Variants in MIS18A observed in about 807,000 individuals in gnomAD.
The protein encoded by MIS18A is MIS18 kinetochore protein A.
MIS18A carries 14 observed loss-of-function variants against 25.0 expected under a neutral mutation model. That is an observed-to-expected ratio of 0.56 (90% CI 0.37 to 0.88). MIS18A has a LOEUF of 0.88. MIS18A is among the 40% of genes least tolerant of loss of function. The pLI, the probability that MIS18A is intolerant of heterozygous loss-of-function variation, is 0.00. For synonymous variants in MIS18A, 134 were observed against 118.6 expected (o/e 1.13, Z -0.84); for missense variants, 292 against 290.8 (o/e 1.00, Z -0.03).
the MIS18A span, among the ~76,000 whole-genome samples, chr21:32,235,567 C>G: frequency 2.0e-5 from 3 of 152,150 alleles, no homozygotes; most frequent in Non-Finnish European, 2.9e-5. Context: ...TGAGGTGAAA[C>G]CTATTTGACA....
the MIS18A span, among the ~76,000 whole-genome samples, chr21:32,166,387 A>C: frequency 6.6e-6 from 1 of 152,222 alleles, no homozygotes; most frequent in Non-Finnish European, 1.5e-5. Context: ...CCATTCTCTG[A>C]CAAAAGAAAC....
intron 1 of MIS18A, among the ~76,000 whole-genome samples, chr21:32,277,026 C>T (rs2031824790): frequency 6.6e-6 from 1 of 151,808 alleles, no homozygotes; most frequent in African/African-American, 2.4e-5. Flanking sequence ...TGTAAATGTA[C>T]AGAATGTAAA....
the MIS18A span, among the ~76,000 whole-genome samples, chr21:32,177,908 CTTTTG>C: frequency 0.58 from 85,313 of 147,806 alleles, 24,609 homozygotes; most frequent in African/African-American, 0.69. Flanking sequence ...CTTTTTTTTT[CTTTTG>C]TTTTCTTTTC....
the MIS18A span, among the ~76,000 whole-genome samples, chr21:32,156,763 G>A: frequency 6.6e-6 from 1 of 152,054 alleles, no homozygotes; most frequent in African/African-American, 2.4e-5. Flanking sequence ...TATCAGATTT[G>A]ATAAGGCTTC....
the MIS18A span, among the ~76,000 whole-genome samples, chr21:32,165,612 A>AT: frequency 6.6e-6 from 1 of 152,058 alleles, no homozygotes; most frequent in Non-Finnish European, 1.5e-5. Flanking sequence ...TTTAAAAAAA[A>AT]AAAGGAAAGA....
the MIS18A span, among the ~76,000 whole-genome samples, chr21:32,169,104 G>A: frequency 0.012 from 1,777 of 152,188 alleles, 55 homozygotes; most frequent in East Asian, 0.11. Flanking sequence ...CTGAATCTTA[G>A]TAAGGATAAC....
At chr21:32,178,931 TCTTCAGCTG>T in the MIS18A span, among the ~76,000 whole-genome samples, 3 of 152,152 alleles carry the variant, frequency 2.0e-5, no homozygotes, top group Non-Finnish European at 4.4e-5. Flanking sequence ...TCAGCATCTA[TCTTCAGCTG>T]CTTCAGCTGC....
At chr21:32,269,199 C>T (rs1165572420) in intron 4 of MIS18A, 82 bp from the exon 5 acceptor site, 2 of 1,007,694 alleles carry the variant, frequency 2.0e-6, no homozygotes, top group South Asian at 1.8e-5. Flanking sequence ...TTAAGATATA[C>T]ACTTAATGCA....
At chr21:32,258,842 AT>A in the MIS18A span, among the ~76,000 whole-genome samples, 1 of 110,148 alleles carries the variant, frequency 9.1e-6, no homozygotes, top group East Asian at 3.2e-4. Context: ...CATTTTATTT[AT>A]TTATTTATTT....
chr21:32,265,615 C>A (rs1247602943), downstream of MIS18A, among the ~76,000 whole-genome samples: 2 of 152,238 alleles, frequency 1.3e-5, no homozygotes, highest in African/African-American at 4.8e-5. Flanking sequence ...AGCCTCCCAC[C>A]CACTCCATGG....
At chr21:32,256,966 C>G in the MIS18A span, among the ~76,000 whole-genome samples, 1 of 152,142 alleles carries the variant, frequency 6.6e-6, no homozygotes, top group Non-Finnish European at 1.5e-5. Flanking sequence ...TTTCCCCCAC[C>G]CTGGCTCCCT....
chr21:32,271,967 T>C (rs1344110966), intron 2 of MIS18A, among the ~76,000 whole-genome samples: 2 of 152,146 alleles, frequency 1.3e-5, no homozygotes, highest in Non-Finnish European at 2.9e-5. Flanking sequence ...CACTGAGCCA[T>C]GAATAAGACT....
At chr21:32,226,756 T>A in the MIS18A span, among the ~76,000 whole-genome samples, 1 of 152,170 alleles carries the variant, frequency 6.6e-6, no homozygotes, top group Non-Finnish European at 1.5e-5. Context: ...CAACTAGACC[T>A]AATAGACATC....
the MIS18A span, among the ~76,000 whole-genome samples, chr21:32,216,846 A>C: frequency 1.7e-4 from 26 of 152,330 alleles, no homozygotes; most frequent in Non-Finnish European, 3.4e-4. Flanking sequence ...CCACGTACTT[A>C]AGAAATATTT....
chr21:32,253,905 T>G, the MIS18A span, among the ~76,000 whole-genome samples: 1 of 152,218 alleles, frequency 6.6e-6, no homozygotes, highest in Non-Finnish European at 1.5e-5. Context: ...AGAGTTTTTT[T>G]TAAACAGCAT....
At chr21:32,242,071 G>A in the MIS18A span, among the ~76,000 whole-genome samples, 2 of 152,200 alleles carry the variant, frequency 1.3e-5, no homozygotes, top group African/African-American at 4.8e-5. Flanking sequence ...TAGTAGAGAC[G>A]GGGTTTCACT....
the MIS18A span, among the ~76,000 whole-genome samples, chr21:32,199,292 T>C: frequency 4.6e-5 from 7 of 152,112 alleles, no homozygotes; most frequent in Non-Finnish European, 8.8e-5. Flanking sequence ...TGGAAAAGGA[T>C]TGACTTGCCT....
the MIS18A span, among the ~76,000 whole-genome samples, chr21:32,214,225 A>G: frequency 5.3e-5 from 8 of 151,964 alleles, no homozygotes; most frequent in Non-Finnish European, 1.2e-4. Flanking sequence ...GAGGCCAGAA[A>G]CCCCCATTCT....
At chr21:32,201,438 T>G in the MIS18A span, among the ~76,000 whole-genome samples, 1 of 152,176 alleles carries the variant, frequency 6.6e-6, no homozygotes, top group East Asian at 1.9e-4. Flanking sequence ...CTCTTGAGAT[T>G]TTAAAAGCCC....
Sources: gnomAD v4.1 joint callset for allele counts (sites outside exome capture counted in the v4.1 genomes callset) on GRCh38, gnomAD v4.1.1 for gene constraint, MANE v1.5 for transcripts, NCBI Gene and HGNC (gene_info 2026-07-23, HGNC 2026-07-21) for gene names.